LOC400499: variants seen among roughly 807,000 people sequenced by gnomAD.
chr16:11,448,674 C>A, the LOC400499 span, among the ~76,000 whole-genome samples: 1 of 151,988 alleles, frequency 6.6e-6, no homozygotes, highest in Non-Finnish European at 1.5e-5. Context: ...CTGCAGTGAG[C>A]TATGACAGCA....
the LOC400499 span, chr16:11,459,895 C>G: frequency 5.0e-6 from 7 of 1,391,126 alleles, no homozygotes; most frequent in South Asian, 1.2e-4. Context: ...GCCAGGCTCA[C>G]CTCCATGAAG....
chr16:11,503,952 G>A, the LOC400499 span, among the ~76,000 whole-genome samples: 25 of 152,272 alleles, frequency 1.6e-4, no homozygotes, highest in African/African-American at 5.3e-4. Context: ...TAATGGGCTC[G>A]GCCACATTTC....
chr16:11,469,922 G>C, the LOC400499 span, among the ~76,000 whole-genome samples: 1 of 151,948 alleles, frequency 6.6e-6, no homozygotes, highest in Non-Finnish European at 1.5e-5. Flanking sequence ...TTTGTTTTGA[G>C]ACCGAGTCCC....
the LOC400499 span, among the ~76,000 whole-genome samples, chr16:11,518,713 CAA>C: frequency 1.3e-5 from 2 of 152,148 alleles, no homozygotes; most frequent in Non-Finnish European, 2.9e-5. Flanking sequence ...AAGGTCAAAA[CAA>C]ATACAGAAAC....
At chr16:11,439,652 A>C in the LOC400499 span, 1 of 398,752 alleles carries the variant, frequency 2.5e-6, no homozygotes, top group Middle Eastern at 6.2e-4. Flanking sequence ...GGAGGTGGCT[A>C]CTGGGCAAAT....
chr16:11,382,918 C>A, the LOC400499 span, among the ~76,000 whole-genome samples: 1 of 148,070 alleles, frequency 6.8e-6, no homozygotes, highest in Non-Finnish European at 1.5e-5. Context: ...TAAAGGAGCA[C>A]CTGAGGCTGG....
chr16:11,494,485 C>A, the LOC400499 span: 2 of 339,058 alleles, frequency 5.9e-6, no homozygotes, highest in Middle Eastern at 8.1e-4. Flanking sequence ...GGGGAACCCA[C>A]CCCCACCCTC....
At chr16:11,397,925 C>A in the LOC400499 span, among the ~76,000 whole-genome samples, 3 of 151,788 alleles carry the variant, frequency 2.0e-5, no homozygotes, top group Non-Finnish European at 2.9e-5. Flanking sequence ...TGGAAGGATG[C>A]GTAAAGGAAT....
the LOC400499 span, among the ~76,000 whole-genome samples, chr16:11,422,381 C>T: frequency 6.6e-6 from 1 of 151,724 alleles, no homozygotes; most frequent in Non-Finnish European, 1.5e-5. Flanking sequence ...GCCTGGGCAA[C>T]TGAGCAAGAC....
the LOC400499 span, among the ~76,000 whole-genome samples, chr16:11,455,572 T>TA: frequency 1.3e-5 from 2 of 151,472 alleles, no homozygotes; most frequent in African/African-American, 4.9e-5. Flanking sequence ...CCGTCTCTAC[T>TA]AAAAATAGAA....
the LOC400499 span, among the ~76,000 whole-genome samples, chr16:11,405,887 AG>A: frequency 6.6e-6 from 1 of 152,300 alleles, no homozygotes; most frequent in East Asian, 1.9e-4. Context: ...CTGTGTGATC[AG>A]ACCACCTCCT....
the LOC400499 span, chr16:11,393,379 G>A: frequency 8.1e-7 from 1 of 1,232,178 alleles, no homozygotes; most frequent in Non-Finnish European, 1.0e-6. Context: ...CTGGGACCCA[G>A]CTGCCACTCA....
chr16:11,393,586 G>C, the LOC400499 span: 2 of 1,231,652 alleles, frequency 1.6e-6, no homozygotes, highest in African/African-American at 1.6e-5. Context: ...AGAGGCCTGA[G>C]TGGAGCCTGG....
the LOC400499 span, chr16:11,392,368 ACT>A: frequency 1.5e-5 from 6 of 397,994 alleles, no homozygotes; most frequent in Non-Finnish European, 2.7e-5. Context: ...CCAGCAGGAG[ACT>A]CTGGTTGGCA....
chr16:11,425,347 G>A, the LOC400499 span: 290 of 399,392 alleles, frequency 7.3e-4, 2 homozygotes, highest in East Asian at 9.1e-3. Context: ...GTCACGCTGC[G>A]CACGCTGGTG....
chr16:11,427,351 A>C, the LOC400499 span, among the ~76,000 whole-genome samples: 24 of 83,602 alleles, frequency 2.9e-4, no homozygotes, highest in Admixed American at 5.0e-4. Flanking sequence ...TCCATCTCAC[A>C]AAAAAAAAAA....
chr16:11,491,298 G>T, the LOC400499 span, among the ~76,000 whole-genome samples: 2 of 152,032 alleles, frequency 1.3e-5, no homozygotes, highest in Admixed American at 6.6e-5. Flanking sequence ...CTGTATAAAG[G>T]GAATTGTCTC....
the LOC400499 span, among the ~76,000 whole-genome samples, chr16:11,504,141 G>GATC: frequency 1.3e-5 from 2 of 152,280 alleles, no homozygotes; most frequent in East Asian, 3.9e-4. Context: ...CGACAGGAGG[G>GATC]ATCATTAGTG....
the LOC400499 span, chr16:11,472,056 G>C: frequency 2.7e-6 from 1 of 377,148 alleles, no homozygotes; most frequent in African/African-American, 2.1e-5. Flanking sequence ...TGCATTATGG[G>C]ATGTTTCGCT....
Sources: allele counts gnomAD v4.1 joint callset (sites outside exome capture counted in the v4.1 genomes callset), GRCh38; gene constraint gnomAD v4.1.1; transcripts MANE v1.5.